Variants in FAM178B observed in about 807,000 individuals in gnomAD.
The protein encoded by FAM178B is family with sequence similarity 178 member B.
In FAM178B, 82 loss-of-function variants were observed where a neutral mutation model predicts 91.7. That is an observed-to-expected ratio of 0.89 (90% confidence interval 0.75 to 1.07). The LOEUF (loss-of-function observed/expected upper bound fraction) is 1.07. FAM178B is among the 50% of genes least tolerant of loss of function. FAM178B has a pLI of 0.00. For missense variants in FAM178B, 769 were observed against 846.7 expected (o/e 0.91, Z 1.14); for synonymous variants, 368 against 359.4 (o/e 1.02, Z -0.27).
At chr2:96,905,711 C>T (rs1487310979) in intron 12 of FAM178B, among the ~76,000 whole-genome samples, 33 of 148,050 alleles carry the variant, frequency 2.2e-4, no homozygotes, top group Non-Finnish European at 3.7e-4. Context: ...CCGAGGTGGG[C>T]GGATCACCTG....
At chr2:96,910,793 CTTAATT>C (rs1202889291) in intron 12 of FAM178B, among the ~76,000 whole-genome samples, 1 of 149,642 alleles carries the variant, frequency 6.7e-6, no homozygotes, top group African/African-American at 2.5e-5. Flanking sequence ...CATCTCTCTT[CTTAATT>C]TTTTTTTTTT....
Position 96,922,076 on chromosome 2 carries a change from G to A in FAM178B, c.1288-422C>T, listed in dbSNP as rs556377824. On this transcript the variant is annotated intron_variant, in intron 10 of 16. Transcript: ENST00000490605. ...ATGATGACCAGAGTGATCTCTGGTC[G>A]GCCTCACTGCTTATTATATGCTAAT... 5.9e-5 allele frequency among the ~76,000 whole-genome samples: 9 copies of A among 152,130 alleles called. No individual in the cohort carries two copies. In the South Asian group the frequency reaches 1.0e-3, roughly 18 times the overall value.
chr2:96,876,406 C>G, intron 16 of FAM178B, 98 bp from the exon 17 acceptor site: 1 of 1,466,386 alleles, frequency 6.8e-7, no homozygotes, highest in East Asian at 2.4e-5. Flanking sequence ...CAGCACCCAT[C>G]GCAGGCTCAT....
chr2:96,972,089 T>A lies in FAM178B; in HGVS notation c.376A>T (p.Ser126Cys). ...CACCTCTGGGCCGGGGCCTCCCGACTGGCCTGCAGCACCCTCGGGTTGAGG... is the reference window on the plus strand; with the variant it reads ...CACCTCTGGGCCGGGGCCTCCCGACAGGCCTGCAGCACCCTCGGGTTGAGG... ...EFLNPRVLQA[S>C]REAPAQRWVG... The change falls in exon 3 of 17, where the codon AGT becomes TGT. Residue 126 changes from serine (S) to cysteine (C), a missense_variant. Ser to Cys is a moderately radical substitution (Grantham distance 112). Transcript: ENST00000490605. 6.5e-7 allele frequency: 1 copy of A among 1,529,898 alleles called. No individual in the cohort carries two copies. Among genetic ancestry groups the A allele is most frequent in the Non-Finnish European group, 8.8e-7 (1 of 1,136,516 alleles). The allele number at this position is 1,529,898 out of a possible 1,614,324, so 94.8% of individuals were successfully genotyped here.
chr2:96,876,984 C>A (rs1426382935), intron 16 of FAM178B, among the ~76,000 whole-genome samples: 2 of 152,120 alleles, frequency 1.3e-5, no homozygotes, highest in Non-Finnish European at 2.9e-5. Context: ...AAGCTGCCTG[C>A]GTGATGGGGG....
rs1405362570 is a variant in FAM178B at position 96,986,386 on chromosome 2, G to C, written c.-73C>G. 5 of 1,488,650 alleles carry C rather than the reference G, an allele frequency of 3.4e-6. No individual in the cohort carries two copies. In the East Asian group the frequency reaches 1.3e-4, roughly 37 times the overall value. The allele number at this position is 1,488,650 out of a possible 1,614,324, so 92.2% of individuals were successfully genotyped here. A position where few individuals can be genotyped will look rare whatever the true frequency, so the allele number is the denominator to read the frequency against. ...CGCACGGCCTCAGAGGACGGGGCCA[G>C]CTAGCCGGGAAAGGAAGCAGGAGCA... On this transcript the variant is annotated 5_prime_UTR_variant, in exon 1 of 17. Transcript: ENST00000490605.
At chr2:96,984,679 C>T (rs1426572453) in intron 1 of FAM178B, among the ~76,000 whole-genome samples, 1 of 152,254 alleles carries the variant, frequency 6.6e-6, no homozygotes, top group Non-Finnish European at 1.5e-5. Flanking sequence ...GGAGATGCAG[C>T]TACCAGCTGT....
At chr2:96,937,254 A>AC (rs35587091) in intron 8 of FAM178B, among the ~76,000 whole-genome samples, 8 of 151,886 alleles carry the variant, frequency 5.3e-5, no homozygotes, top group East Asian at 1.9e-4. Context: ...CCTGTGCCCT[A>AC]CCCCCCAGCA....
At chr2:96,903,335 G>A (rs1045879384) in intron 12 of FAM178B, among the ~76,000 whole-genome samples, 4 of 152,356 alleles carry the variant, frequency 2.6e-5, no homozygotes, top group East Asian at 1.9e-4. Flanking sequence ...CACCGCGCCC[G>A]GCTGAACTGC....
At chr2:96,887,495 G>A (rs1437555599) in intron 14 of FAM178B, among the ~76,000 whole-genome samples, 4 of 152,192 alleles carry the variant, frequency 2.6e-5, no homozygotes, top group South Asian at 2.1e-4. Context: ...AGCCATGCCC[G>A]TAGCAATCCA....
intron 1 of FAM178B, among the ~76,000 whole-genome samples, chr2:96,983,088 C>T (rs2082383175): frequency 6.6e-6 from 1 of 151,338 alleles, no homozygotes; most frequent in Non-Finnish European, 1.5e-5. Flanking sequence ...GCTACCTTGA[C>T]CAGGTCAGCC....
At chr2:96,921,702 G>C in intron 10 of FAM178B, 48 bp from the exon 11 acceptor site, 1 of 1,532,092 alleles carries the variant, frequency 6.5e-7, no homozygotes, top group South Asian at 1.2e-5. Context: ...GGGGGAACGG[G>C]AGAGTACTTC....
intron 12 of FAM178B, among the ~76,000 whole-genome samples, chr2:96,905,858 ATATTTTTTTTTTTTTTTT>A (rs2081042435): frequency 1.2e-4 from 2 of 16,620 alleles, no homozygotes; most frequent in African/African-American, 3.0e-4. Context: ...ATATATATAT[ATATTTTTTTTTTTTTTTT>A]TTTTTTTTTT....
chr2:96,940,136 T>C (rs1430772734), intron 8 of FAM178B, among the ~76,000 whole-genome samples: 1 of 152,028 alleles, frequency 6.6e-6, no homozygotes, highest in Non-Finnish European at 1.5e-5. Flanking sequence ...GGGGACTGAG[T>C]GCAGCTGGCG....
intron 12 of FAM178B, among the ~76,000 whole-genome samples, chr2:96,916,117 C>T (rs1303184463): frequency 6.6e-6 from 1 of 152,206 alleles, no homozygotes; most frequent in Non-Finnish European, 1.5e-5. Context: ...ACATCCTTGT[C>T]AATGAATCTT....
chr2:96,938,051 G>A (rs1362019270), intron 8 of FAM178B, among the ~76,000 whole-genome samples: 1 of 152,020 alleles, frequency 6.6e-6, no homozygotes, highest in Non-Finnish European at 1.5e-5. Flanking sequence ...ACAAAAAAGT[G>A]CTCTCCGAGT....
chr2:96,909,672 T>C (rs971589373), intron 12 of FAM178B, among the ~76,000 whole-genome samples: 1 of 152,190 alleles, frequency 6.6e-6, no homozygotes, highest in South Asian at 2.1e-4. Context: ...TCTTTTTTTT[T>C]CACACGTCTT....
chr2:96,972,671 T>G (rs1472342057), intron 1 of FAM178B, 65 bp from the exon 2 acceptor site: 1 of 1,461,166 alleles, frequency 6.8e-7, no homozygotes, highest in Non-Finnish European at 9.3e-7. Flanking sequence ...CTAAACCCCG[T>G]GATTCCCACA....
intron 14 of FAM178B, among the ~76,000 whole-genome samples, chr2:96,885,883 A>G (rs2080506326): frequency 6.6e-6 from 1 of 152,220 alleles, no homozygotes; most frequent in Non-Finnish European, 1.5e-5. Context: ...GTACACGTAT[A>G]CATCAGTGCA....
Sources: allele counts gnomAD v4.1 joint callset (sites outside exome capture counted in the v4.1 genomes callset), GRCh38; gene constraint gnomAD v4.1.1; transcripts MANE v1.5; gene names NCBI Gene and HGNC (gene_info 2026-07-23, HGNC 2026-07-21).